The following STK3 variants were observed in gnomAD, a reference collection of about 807,000 sequenced individuals.
The protein encoded by STK3 is serine/threonine kinase 3.
A neutral mutation model predicts 58.0 loss-of-function variants in STK3; 41 were observed. That is an observed-to-expected ratio of 0.71 (90% confidence interval 0.55 to 0.92). STK3 has a LOEUF of 0.92. Ranked by LOEUF, STK3 falls within the 40% of genes least tolerant of loss-of-function variation. The pLI, the probability that STK3 is intolerant of heterozygous loss-of-function variation, is 0.00. For missense variants in STK3, 479 were observed against 602.7 expected, an observed-to-expected ratio of 0.79 and a Z score of 2.15; for synonymous variants, 170 against 191.0, an observed-to-expected ratio of 0.89 and a Z score of 0.91.
At chr8:98,704,980 C>T (rs1260015161) in intron 6 of STK3, among the ~76,000 whole-genome samples, 2 of 152,168 alleles carry the variant, frequency 1.3e-5, no homozygotes, top group African/African-American at 4.8e-5. Flanking sequence ...AACTAATGAT[C>T]AGAGATGAAA....
intron 3 of STK3, among the ~76,000 whole-genome samples, chr8:98,412,044 C>T (rs913140694): frequency 6.6e-6 from 1 of 152,198 alleles, no homozygotes; most frequent in African/African-American, 2.4e-5. Flanking sequence ...ATTGCACAGC[C>T]ACTCTTTGCC....
At chr8:98,723,049 G>T in intron 4 of STK3, 3 of 324,910 alleles carry the variant, frequency 9.2e-6, no homozygotes, top group South Asian at 2.8e-5. Context: ...CTTCATTTGT[G>T]GATTTAATTA....
chr8:98,529,279 A>T (rs1207939660), intron 9 of STK3, among the ~76,000 whole-genome samples: 3 of 151,262 alleles, frequency 2.0e-5, no homozygotes, highest in African/African-American at 7.3e-5. Flanking sequence ...AACTTCAAAA[A>T]ACAAAAGGGG....
At chr8:98,828,657 GA>G (rs1190051277), upstream of STK3, among the ~76,000 whole-genome samples, 4 of 151,886 alleles carry the variant, frequency 2.6e-5, no homozygotes, top group African/African-American at 9.7e-5. Flanking sequence ...AAGAAAGAAA[GA>G]AAATAAATGA....
chr8:98,720,577 C>T (rs1248985726), intron 4 of STK3, among the ~76,000 whole-genome samples: 2 of 151,844 alleles, frequency 1.3e-5, no homozygotes, highest in Non-Finnish European at 2.9e-5. Context: ...AGTGAAACCC[C>T]GTCTCTACCA....
intron 7 of STK3, among the ~76,000 whole-genome samples, chr8:98,585,073 T>C (rs1444015702): frequency 4.6e-5 from 7 of 150,796 alleles, no homozygotes; most frequent in African/African-American, 1.5e-4. Flanking sequence ...GTAGTTTCTT[T>C]TGCTGTGCAG....
chr8:98,507,081 T>C (rs1299571231), intron 10 of STK3, among the ~76,000 whole-genome samples: 1 of 152,196 alleles, frequency 6.6e-6, no homozygotes, highest in Non-Finnish European at 1.5e-5. Flanking sequence ...CCATGGGAAA[T>C]GAATACAGAC....
chr8:98,461,612 T>C (rs937108539), intron 10 of STK3, among the ~76,000 whole-genome samples: 4 of 152,228 alleles, frequency 2.6e-5, no homozygotes, highest in African/African-American at 7.2e-5. Flanking sequence ...GGTTCTATTC[T>C]GGTGCATATC....
chr8:98,513,468 C>A (rs1586748930), intron 10 of STK3, among the ~76,000 whole-genome samples: 1 of 152,162 alleles, frequency 6.6e-6, no homozygotes, highest in Non-Finnish European at 1.5e-5. Flanking sequence ...GAATAAAGAA[C>A]CTGCAAACTT....
intron 3 of STK3, among the ~76,000 whole-genome samples, chr8:98,407,051 A>T (rs1818000955): frequency 6.6e-6 from 1 of 152,154 alleles, no homozygotes; most frequent in South Asian, 2.1e-4. Context: ...TTAATTCCTC[A>T]CTGAAACCAG....
At chr8:98,917,906 A>G (rs1002654160) in intron 1 of STK3, among the ~76,000 whole-genome samples, 4 of 152,136 alleles carry the variant, frequency 2.6e-5, no homozygotes, top group Non-Finnish European at 5.9e-5. Context: ...GAAAAAACCA[A>G]CAGCTCAAGA....
intron 3 of STK3, among the ~76,000 whole-genome samples, chr8:98,865,837 C>T (rs1240334783): frequency 3.3e-5 from 5 of 152,262 alleles, no homozygotes; most frequent in Non-Finnish European, 7.3e-5. Flanking sequence ...TAGTGCCCTG[C>T]AGTGGTCACT....
chr8:98,580,830 A>G (rs571521647), intron 7 of STK3, among the ~76,000 whole-genome samples: 38 of 152,354 alleles, frequency 2.5e-4, no homozygotes, highest in Admixed American at 5.9e-4. Context: ...TTAAAGACAA[A>G]AAAAATTGTG....
At chr8:98,854,773 A>G (rs986272902) in intron 3 of STK3, among the ~76,000 whole-genome samples, 1 of 152,128 alleles carries the variant, frequency 6.6e-6, no homozygotes, top group Non-Finnish European at 1.5e-5. Flanking sequence ...CTACTCTCCA[A>G]AACTGGGCAC....
chr8:98,652,216 A>G (rs904669921), intron 6 of STK3, among the ~76,000 whole-genome samples: 6 of 152,242 alleles, frequency 3.9e-5, no homozygotes, highest in African/African-American at 1.4e-4. Context: ...CCAGAATTTC[A>G]TATCCAGCCA....
intron 6 of STK3, among the ~76,000 whole-genome samples, chr8:98,693,147 A>T (rs1824534508): frequency 6.6e-6 from 1 of 152,172 alleles, no homozygotes; most frequent in Middle Eastern, 3.2e-3. Context: ...CTGTAATCCC[A>T]GCACTTTGGG....
intron 3 of STK3, among the ~76,000 whole-genome samples, chr8:98,416,021 T>C (rs1371863807): frequency 6.6e-6 from 1 of 152,172 alleles, no homozygotes; most frequent in Non-Finnish European, 1.5e-5. Context: ...TGCTTTGGCC[T>C]TGGGGCACCA....
At chr8:98,921,908 G>A (rs1157040120) in intron 1 of STK3, among the ~76,000 whole-genome samples, 1 of 152,116 alleles carries the variant, frequency 6.6e-6, no homozygotes, top group African/African-American at 2.4e-5. Context: ...TGGCCAGGCT[G>A]GTCTTGAACT....
Position 98,484,707 on chromosome 8 carries a change from A to G in STK3, c.1318-28707T>C, listed in dbSNP as rs896555844. 3.9e-5 allele frequency among the ~76,000 whole-genome samples: 6 copies of G among 152,118 alleles called. No homozygotes were observed. The East Asian group carries it at 5.8e-4, about 15-fold the overall frequency. On this transcript the variant is annotated intron_variant, in intron 10 of 10. Coordinates refer to ENST00000419617, the MANE Select transcript of STK3 (RefSeq NM_006281.4). ...AGAAAACACTGGAACTAGATTTTCA[A>G]TGGTGCAGTTAATAAGGATTAGAAA... is the stretch of plus-strand genomic sequence containing the variant.
Sources: gnomAD v4.1 joint callset for allele counts (sites outside exome capture counted in the v4.1 genomes callset) on GRCh38, gnomAD v4.1.1 for gene constraint, MANE v1.5 for transcripts, NCBI Gene and HGNC (gene_info 2026-07-23, HGNC 2026-07-21) for gene names.